Variants in RUVBL2 observed in about 807,000 individuals in gnomAD.
RUVBL2 encodes the protein RuvB like AAA ATPase 2, also known as ruvB-like 2.
A neutral mutation model predicts 57.9 loss-of-function variants in RUVBL2; 9 were observed. The observed-to-expected ratio is 0.16, with a 90% CI of 0.09 to 0.27. The LOEUF (loss-of-function observed/expected upper bound fraction) is 0.27. Ranked by LOEUF, RUVBL2 falls within the 10% of genes least tolerant of loss-of-function variation. The probability of loss-of-function intolerance (pLI) is 1.00; values close to 1 mark genes in which losing one functional copy is unlikely to be tolerated. For synonymous variants in RUVBL2, 278 were observed against 264.6 expected, an observed-to-expected ratio of 1.05 and a Z score of -0.49; for missense variants, 456 against 669.6, an observed-to-expected ratio of 0.68 and a Z score of 3.52.
At chr19:49,014,652 C>T in intron 12 of RUVBL2, 49 bp downstream of exon 12, 1 of 1,602,676 alleles carries the variant, frequency 6.2e-7, no homozygotes, top group Non-Finnish European at 8.5e-7. Flanking sequence ...CTGGGGTCTA[C>T]CCTGTTTGAC....
intron 13 of RUVBL2, 114 bp downstream of exon 13, chr19:49,015,264 A>T (rs1270279677): frequency 4.2e-6 from 6 of 1,421,696 alleles, no homozygotes; most frequent in Non-Finnish European, 5.7e-6. Context: ...AGACGCAGGG[A>T]ATTTTCATCC....
chr19:49,011,353 G>GACCACACCCACTGCCCAGA lies in RUVBL2; in HGVS notation c.1001+43_1001+44insACCACACCCACTGCCCAGA. The stretch of plus-strand genomic sequence containing the variant: ...GCCTCTGGGGAAAACAGGATGCTCT[G>GACCACACCCACTGCCCAGA]GGCAGTGGGTGTGGTCAGAGGGTCA... On this transcript the variant is annotated intron_variant, in intron 11 of 14. Transcript: ENST00000595090. The surrounding 1 kb of genome is among the most constrained non-coding windows in gnomAD (Gnocchi z 4.4). The GACCACACCCACTGCCCAGA allele has an allele frequency of 6.6e-7, 1 of 1,517,602 alleles. No homozygotes were observed. The highest frequency in any genetic ancestry group is 9.1e-7 in the Non-Finnish European group (1 of 1,095,052). 94.0% of individuals were successfully genotyped at this position (1,517,602 alleles called of 1,614,324 possible).
intron 6 of RUVBL2, among the ~76,000 whole-genome samples, chr19:49,008,230 T>C: frequency 6.7e-6 from 1 of 150,204 alleles, no homozygotes; most frequent in South Asian, 2.1e-4. Context: ...TTTTTTATTT[T>C]TATTTTATTT....
rs917832450 is a variant in RUVBL2, at chr19:49,006,263, G to A, written c.266-755G>A. Among the ~76,000 whole-genome samples the A allele has an allele frequency of 5.3e-5, 8 of 152,274 alleles. 1 individual carries two copies. The highest frequency in any genetic ancestry group is 4.1e-4 in the South Asian group (2 of 4,836). ...GTGGTGTCAGCCTGTCTGAAAGGGC[G>A]TGCCCCACATTGGACCAAACCTTGT... On this transcript the variant is annotated intron_variant, in intron 4 of 14. Transcript: ENST00000595090.
intron 6 of RUVBL2, among the ~76,000 whole-genome samples, chr19:49,008,720 A>G (rs1279774093): frequency 1.3e-5 from 2 of 151,926 alleles, no homozygotes; most frequent in East Asian, 2.0e-4. Flanking sequence ...GTTCATGCCT[A>G]TAATCCCAGC....
chr19:49,006,570 C>T (rs1166819423), intron 4 of RUVBL2, among the ~76,000 whole-genome samples: 2 of 152,210 alleles, frequency 1.3e-5, no homozygotes, highest in Non-Finnish European at 1.5e-5. Context: ...CGCTCAAGAT[C>T]CCACGGCGCC....
In RUVBL2 at chr19:49,004,313, C is replaced by T. The variant is rs1199742669; in HGVS notation, c.160C>T (p.Arg54Trp). 1.2e-6 allele frequency: 2 copies of T among 1,610,902 alleles called. No individual in the cohort carries two copies. Among genetic ancestry groups the T allele is most frequent in the Non-Finnish European group, 1.7e-6 (2 of 1,179,710 alleles). ...QGMVGQLAAR[R>W]AAGVVLEMIR... The stretch of plus-strand genomic sequence containing the variant: ...CATGGTGGGTCAGCTGGCGGCACGG[C>T]GGGCGGCTGGCGTGGTGCTGGAGAT... Residue 54 changes from arginine to tryptophan, a missense_variant, in exon 4 of 15, where the codon CGG (arginine) becomes TGG (tryptophan). Coordinates refer to ENST00000595090, the MANE Select transcript of RUVBL2 (RefSeq NM_006666.3).
At chr19:49,008,490 A>C (rs971121389) in intron 6 of RUVBL2, among the ~76,000 whole-genome samples, 2 of 149,966 alleles carry the variant, frequency 1.3e-5, no homozygotes, top group African/African-American at 2.4e-5. Context: ...GGCCTCCCAA[A>C]GTGCTGGGAT....
intron 6 of RUVBL2, among the ~76,000 whole-genome samples, chr19:49,007,811 T>G (rs2039311796): frequency 1.3e-5 from 2 of 152,058 alleles, no homozygotes; most frequent in African/African-American, 4.8e-5. Flanking sequence ...TTCAAGTGAT[T>G]CTTCTGCCTC....
At chr19:49,013,184 G>A (rs1243059049) in intron 11 of RUVBL2, among the ~76,000 whole-genome samples, 4 of 151,784 alleles carry the variant, frequency 2.6e-5, no homozygotes, top group Non-Finnish European at 4.4e-5. Context: ...GGCTGGTCTC[G>A]AACTCCTGAC....
Position 49,011,179 on chromosome 19 carries a change from A to G in RUVBL2, c.883-13A>G, listed in dbSNP as rs763684732. The G allele has an allele frequency of 1.2e-6, 2 of 1,613,212 alleles. No individual in the cohort carries two copies. Among genetic ancestry groups the G allele is most frequent in the South Asian group, 1.1e-5 (1 of 91,068 alleles). On this transcript the variant is annotated splice_polypyrimidine_tract_variant and intron_variant, in intron 10 of 14. Coordinates refer to ENST00000595090, the MANE Select transcript of RUVBL2 (RefSeq NM_006666.3). The surrounding 1 kb of genome is among the most constrained non-coding windows in gnomAD (Gnocchi z 4.4). Reference sequence around the variant, plus strand: ...GACGCGGGTGGTGACTCTCACACACACCCCAATCCAAGGTGCTGTTCATCG... The same window carrying G: ...GACGCGGGTGGTGACTCTCACACACGCCCCAATCCAAGGTGCTGTTCATCG...
chr19:49,003,250 C>A, intron 2 of RUVBL2, 29 bp from the exon 3 acceptor site: 1 of 1,498,236 alleles, frequency 6.7e-7, no homozygotes, highest in Non-Finnish European at 9.0e-7. Flanking sequence ...TGGCTAGTAA[C>A]TGAGTCTTTG....
chr19:48,993,779 C>A, upstream of RUVBL2: 2 of 1,227,984 alleles, frequency 1.6e-6, no homozygotes, highest in Non-Finnish European at 1.2e-6. Context: ...AGTCCCGCCA[C>A]GCCCCCACAA....
intron 6 of RUVBL2, among the ~76,000 whole-genome samples, chr19:49,007,731 G>A (rs1016274970): frequency 6.6e-6 from 1 of 151,822 alleles, no homozygotes; most frequent in Non-Finnish European, 1.5e-5. Flanking sequence ...TCGAGACAGA[G>A]TCTCCCTCTG....
chr19:48,995,848 G>A (rs534388010), intron 1 of RUVBL2, among the ~76,000 whole-genome samples: 11 of 152,056 alleles, frequency 7.2e-5, no homozygotes, highest in Admixed American at 3.9e-4. Context: ...TTAGCCGGGC[G>A]TGGTGGCACA....
In RUVBL2 at chr19:49,011,360, G is replaced by A; in HGVS notation, c.1001+50G>A. ...GGGAAAACAGGATGCTCTGGGCAGT[G>A]GGTGTGGTCAGAGGGTCAATGGGAG... On this transcript the variant is annotated intron_variant, in intron 11 of 14. Coordinates refer to ENST00000595090, the MANE Select transcript of RUVBL2 (RefSeq NM_006666.3). The surrounding 1 kb of genome is among the most constrained non-coding windows in gnomAD (Gnocchi z 4.4). 2.0e-6 allele frequency: 3 copies of A among 1,472,464 alleles called. No homozygotes were observed. Among genetic ancestry groups the A allele is most frequent in the Non-Finnish European group, 2.8e-6 (3 of 1,054,716 alleles). The allele number at this position is 1,472,464 out of a possible 1,614,324, so 91.2% of individuals were successfully genotyped here.
chr19:49,000,577 T>C, intron 2 of RUVBL2, among the ~76,000 whole-genome samples: 1 of 149,188 alleles, frequency 6.7e-6, no homozygotes, highest in East Asian at 2.0e-4. Context: ...TAAATAAAAG[T>C]GCCGAGACTG....
intron 2 of RUVBL2, chr19:49,001,228 C>CT (rs2039174235): frequency 6.7e-6 from 1 of 149,950 alleles, no homozygotes; most frequent in South Asian, 2.1e-4. Flanking sequence ...GTGGCGCAAT[C>CT]TCGGCTCACT....
chr19:48,999,988 C>G (rs1424805751), intron 2 of RUVBL2, among the ~76,000 whole-genome samples: 1 of 152,196 alleles, frequency 6.6e-6, no homozygotes, highest in Non-Finnish European at 1.5e-5. Context: ...CGCATTCATT[C>G]ATGCAGCAGG....
Sources: gnomAD v4.1 joint callset for allele counts (sites outside exome capture counted in the v4.1 genomes callset) on GRCh38, gnomAD v4.1.1 for gene constraint, Gnocchi (gnomAD v3.1) non-coding constraint, MANE v1.5 for transcripts, NCBI Gene and HGNC (gene_info 2026-07-23, HGNC 2026-07-21) for gene names.